The following TENM4 variants were observed in gnomAD, a reference collection of about 807,000 sequenced individuals.
TENM4 encodes teneurin transmembrane protein 4.
Under a neutral mutation model 243.3 loss-of-function variants are expected in TENM4, and 82 were observed. The observed-to-expected ratio is 0.34, with a 90% confidence interval of 0.28 to 0.40. The LOEUF is 0.40. Ranked by LOEUF, TENM4 falls within the 10% of genes least tolerant of loss-of-function variation. TENM4 has a pLI of 1.00. For synonymous variants in TENM4, 1,412 were observed against 1,456.3 expected (o/e 0.97, Z 0.69); for missense variants, 3,138 against 3,673.3 (o/e 0.85, Z 3.77).
chr11:79,287,805 T>C (rs1214306916), intron 2 of TENM4, among the ~76,000 whole-genome samples: 3 of 152,096 alleles, frequency 2.0e-5, no homozygotes, highest in Non-Finnish European at 4.4e-5. Flanking sequence ...AGTAATTGTC[T>C]CAAGGGCAGA....
At chr11:79,066,753 C>A (rs570795158) in intron 5 of TENM4, among the ~76,000 whole-genome samples, 1 of 151,968 alleles carries the variant, frequency 6.6e-6, no homozygotes, top group Non-Finnish European at 1.5e-5. Flanking sequence ...CACACACGCA[C>A]GCACAAGCAC....
intron 3 of TENM4, among the ~76,000 whole-genome samples, chr11:79,160,275 A>T (rs1332597533): frequency 6.6e-6 from 1 of 152,202 alleles, no homozygotes; most frequent in African/African-American, 2.4e-5. Flanking sequence ...CCACTCAGAA[A>T]CTGATGTTCT....
intron 2 of TENM4, among the ~76,000 whole-genome samples, chr11:79,228,933 TC>T (rs1436482325): frequency 6.6e-6 from 1 of 152,194 alleles, no homozygotes; most frequent in Non-Finnish European, 1.5e-5. Context: ...CCTAATGTCT[TC>T]TGCTCTGGAA....
intron 18 of TENM4, among the ~76,000 whole-genome samples, chr11:78,764,050 T>C (rs946711246): frequency 4.0e-5 from 6 of 148,960 alleles, no homozygotes; most frequent in African/African-American, 1.5e-4. Flanking sequence ...TCTGCGTCCT[T>C]ATCAGGGAGG....
chr11:78,693,493 C>T (rs1242038798), intron 28 of TENM4, among the ~76,000 whole-genome samples: 1 of 152,200 alleles, frequency 6.6e-6, no homozygotes, highest in Non-Finnish European at 1.5e-5. Context: ...ATATAGAAAA[C>T]ACTGTTTTCC....
At chr11:79,218,786 C>G (rs772479226) in intron 2 of TENM4, among the ~76,000 whole-genome samples, 7 of 152,176 alleles carry the variant, frequency 4.6e-5, no homozygotes, top group Non-Finnish European at 7.3e-5. Context: ...GTTAATGAAA[C>G]TAAAATGCTC....
At chr11:79,417,722 G>A (rs557435183) in intron 1 of TENM4, among the ~76,000 whole-genome samples, 2 of 151,922 alleles carry the variant, frequency 1.3e-5, no homozygotes, top group South Asian at 4.1e-4. Context: ...CATCAGAATA[G>A]AATCCAAGCT....
chr11:78,929,695 A>G (rs1856628661), intron 6 of TENM4, among the ~76,000 whole-genome samples: 1 of 152,010 alleles, frequency 6.6e-6, no homozygotes, highest in African/African-American at 2.4e-5. Context: ...GTCCACTTGC[A>G]TAAATACAGC....
intron 2 of TENM4, among the ~76,000 whole-genome samples, chr11:79,276,254 G>A (rs1164275308): frequency 6.6e-6 from 1 of 152,216 alleles, no homozygotes; most frequent in Non-Finnish European, 1.5e-5. Flanking sequence ...CTTGCTAATG[G>A]CATACTGTAT....
intron 4 of TENM4, among the ~76,000 whole-genome samples, chr11:79,121,761 T>C (rs898474405): frequency 5.3e-5 from 8 of 152,224 alleles, no homozygotes; most frequent in Middle Eastern, 6.8e-3. Flanking sequence ...CAGGTGGTGG[T>C]GGAAAGAGTT....
At chr11:79,265,058 T>C (rs1283220532) in intron 2 of TENM4, among the ~76,000 whole-genome samples, 1 of 152,130 alleles carries the variant, frequency 6.6e-6, no homozygotes, top group Admixed American at 6.5e-5. Context: ...GAATGTTTTT[T>C]GAGATACAGT....
chr11:78,787,160 G>T, intron 15 of TENM4, 77 bp from the exon 16 acceptor site: 1 of 1,436,904 alleles, frequency 7.0e-7, no homozygotes, highest in Non-Finnish European at 9.3e-7. Context: ...GGGGAGAGAG[G>T]AGAGAGAAAA....
At chr11:79,184,800 T>C (rs1863352932) in intron 3 of TENM4, among the ~76,000 whole-genome samples, 1 of 152,180 alleles carries the variant, frequency 6.6e-6, no homozygotes, top group Admixed American at 6.5e-5. Flanking sequence ...TGGACGGTTG[T>C]ACAACAATGT....
intron 12 of TENM4, among the ~76,000 whole-genome samples, chr11:78,826,952 C>T (rs1006756689): frequency 5.9e-5 from 9 of 152,134 alleles, no homozygotes; most frequent in Admixed American, 1.3e-4. Context: ...TCTAGGCATC[C>T]GAGTATACCA....
At chr11:79,261,885 TC>T in intron 2 of TENM4, among the ~76,000 whole-genome samples, 1 of 152,270 alleles carries the variant, frequency 6.6e-6, no homozygotes, top group Middle Eastern at 3.4e-3. Flanking sequence ...ACATTTGGTT[TC>T]TTATAACCTC....
intron 7 of TENM4, among the ~76,000 whole-genome samples, chr11:78,899,757 C>G (rs551024075): frequency 4.3e-4 from 66 of 152,114 alleles, no homozygotes; most frequent in Non-Finnish European, 9.3e-4. Context: ...CCTCCCCACC[C>G]CTCTCTCTGT....
chr11:79,282,558 C>T (rs780031513), intron 2 of TENM4, among the ~76,000 whole-genome samples: 3 of 152,208 alleles, frequency 2.0e-5, no homozygotes, highest in Non-Finnish European at 4.4e-5. Flanking sequence ...CAGTAACATT[C>T]TTTCCTCATT....
At chr11:79,392,930 C>A (rs574459174) in intron 1 of TENM4, among the ~76,000 whole-genome samples, 1 of 152,290 alleles carries the variant, frequency 6.6e-6, no homozygotes, top group South Asian at 2.1e-4. Flanking sequence ...GGAGTGAAGA[C>A]ACAACTAAGA....
At chr11:78,768,995 G>A (rs887805481) in intron 18 of TENM4, among the ~76,000 whole-genome samples, 3 of 152,214 alleles carry the variant, frequency 2.0e-5, no homozygotes, top group African/African-American at 7.2e-5. Flanking sequence ...TATACCGGTA[G>A]GGAGAGAGGT....
Sources: allele counts gnomAD v4.1 joint callset (sites outside exome capture counted in the v4.1 genomes callset), GRCh38; gene constraint gnomAD v4.1.1; transcripts MANE v1.5; gene names NCBI Gene and HGNC (gene_info 2026-07-23, HGNC 2026-07-21).